PCSK5: variants seen among roughly 807,000 people sequenced by gnomAD.
PCSK5 encodes the protein prohormone convertase 5.
In PCSK5, 129 loss-of-function variants were observed where a neutral mutation model predicts 233.2. That is an observed-to-expected ratio of 0.55 (90% CI 0.48 to 0.64). The LOEUF (loss-of-function observed/expected upper bound fraction) is 0.64, where lower values mean the gene tolerates loss of function less well. PCSK5 is among the 30% of genes least tolerant of loss of function. PCSK5 has a pLI of 0.00. For missense variants in PCSK5, 2,076 were observed against 2,430.1 expected (o/e 0.85, Z 3.06); for synonymous variants, 825 against 879.2 (o/e 0.94, Z 1.09).
chr9:76,004,973 A>C (rs1198323040), intron 3 of PCSK5, among the ~76,000 whole-genome samples: 1 of 152,250 alleles, frequency 6.6e-6, no homozygotes, highest in Non-Finnish European at 1.5e-5. Context: ...CAGCAGACAG[A>C]GCTAAGAAGA....
intron 25 of PCSK5, among the ~76,000 whole-genome samples, chr9:76,293,608 C>A (rs1828344243): frequency 6.6e-6 from 1 of 152,228 alleles, no homozygotes; most frequent in Non-Finnish European, 1.5e-5. Flanking sequence ...CACCACCACG[C>A]CCAGCTAGTT....
At chr9:76,023,981 A>G in intron 4 of PCSK5, 100 bp downstream of exon 4, 4 of 1,035,178 alleles carry the variant, frequency 3.9e-6, no homozygotes, top group Admixed American at 2.3e-5. Flanking sequence ...AAATGTAGCA[A>G]CGTACAATAG....
chr9:76,189,858 A>G (rs2131242097), intron 20 of PCSK5, 112 bp downstream of exon 20: 1 of 606,112 alleles, frequency 1.6e-6, no homozygotes, highest in African/African-American at 1.9e-5. Context: ...CAGATATGAC[A>G]TGCTCAATAT....
chr9:76,117,981 CAG>C (rs1320425408), intron 9 of PCSK5, among the ~76,000 whole-genome samples: 50 of 152,160 alleles, frequency 3.3e-4, no homozygotes, highest in Admixed American at 1.4e-3. Flanking sequence ...GAGTATGATA[CAG>C]GAGTGATCGT....
At chr9:76,067,211 A>G (rs572808860) in intron 5 of PCSK5, among the ~76,000 whole-genome samples, 2 of 152,362 alleles carry the variant, frequency 1.3e-5, no homozygotes, top group South Asian at 4.1e-4. Context: ...ATCAAGGCAC[A>G]AAATTATGGT....
rs1828301019 is a variant in PCSK5, at chr9:76,292,228, TC to T, written c.3143-3del. The T allele has an allele frequency of 3.3e-6, 5 of 1,533,760 alleles. No homozygotes were observed. The highest frequency in any genetic ancestry group is 2.8e-5 in the African/African-American group (2 of 71,746). On this transcript the variant is annotated splice_region_variant and splice_polypyrimidine_tract_variant and intron_variant, in intron 24 of 37. Coordinates refer to ENST00000674117, the MANE Select transcript of PCSK5 (RefSeq NM_001372043.1). ...TTATTACTTTTTATTATTTTTTTTT[TC>T]CAGATGATCCAGGAACATGTACATC...
intron 12 of PCSK5, among the ~76,000 whole-genome samples, chr9:76,161,568 T>C (rs1034071587): frequency 1.3e-5 from 2 of 151,306 alleles, no homozygotes; most frequent in Non-Finnish European, 3.0e-5. Context: ...GCCCCCTTCC[T>C]TGTAGAGAAA....
intron 2 of PCSK5, among the ~76,000 whole-genome samples, chr9:75,967,792 A>C (rs879313226): frequency 2.0e-5 from 3 of 148,516 alleles, no homozygotes; most frequent in Non-Finnish European, 3.0e-5. Context: ...TCAGAGTTTC[A>C]CTCTTGTTGC....
intron 7 of PCSK5, among the ~76,000 whole-genome samples, chr9:76,080,117 G>A (rs990687971): frequency 2.6e-5 from 4 of 151,904 alleles, no homozygotes; most frequent in African/African-American, 7.2e-5. Context: ...CCCTGAAGCC[G>A]TTGTCCCACC....
intron 2 of PCSK5, among the ~76,000 whole-genome samples, chr9:75,954,704 A>AC (rs1014764009): frequency 6.6e-6 from 1 of 152,082 alleles, no homozygotes; most frequent in Non-Finnish European, 1.5e-5. Context: ...ATACACACAT[A>AC]CCCCGTGGAA....
intron 8 of PCSK5, among the ~76,000 whole-genome samples, chr9:76,096,749 G>A (rs769100282): frequency 6.6e-6 from 1 of 151,480 alleles, no homozygotes; most frequent in Non-Finnish European, 1.5e-5. Context: ...TTACAGGTGC[G>A]CACCACTGTG....
intron 9 of PCSK5, among the ~76,000 whole-genome samples, chr9:76,115,817 T>C (rs1832401421): frequency 1.3e-5 from 2 of 152,122 alleles, no homozygotes; most frequent in Admixed American, 1.3e-4. Flanking sequence ...CTCTACTCTA[T>C]ATTTAAACAT....
intron 1 of PCSK5, 116 bp downstream of exon 1, chr9:75,891,489 A>C (rs1488013370): frequency 8.4e-6 from 7 of 831,752 alleles, no homozygotes; most frequent in Non-Finnish European, 1.3e-5. Context: ...CTGTTGCCCT[A>C]ACTCTTGGGC....
At chr9:76,105,450 T>C (rs73456431) in intron 8 of PCSK5, among the ~76,000 whole-genome samples, 2,352 of 152,308 alleles carry the variant, frequency 0.015, 69 homozygotes, top group African/African-American at 0.053. Flanking sequence ...CTAGTGATAT[T>C]GTACAAGCTT....
At chr9:76,284,760 G>T (rs10115638) in intron 24 of PCSK5, among the ~76,000 whole-genome samples, 20,536 of 151,788 alleles carry the variant, frequency 0.14, 1,897 homozygotes, top group African/African-American at 0.27. Flanking sequence ...TCAAACTCCC[G>T]ACGTCAGGTG....
chr9:76,355,533 C>T (rs1162870692), intron 37 of PCSK5, among the ~76,000 whole-genome samples: 1 of 152,028 alleles, frequency 6.6e-6, no homozygotes, highest in East Asian at 1.9e-4. Context: ...CTCTCTAGTC[C>T]AGAAGTAGAT....
intron 1 of PCSK5, among the ~76,000 whole-genome samples, chr9:75,900,710 T>TTTC (rs1323357177): frequency 2.0e-5 from 3 of 149,496 alleles, no homozygotes; most frequent in African/African-American, 7.3e-5. Flanking sequence ...AACTTTTTTT[T>TTTC]TTTTTTTTAC....
At chr9:76,272,339 T>C (rs373791442) in intron 24 of PCSK5, among the ~76,000 whole-genome samples, 177 of 152,296 alleles carry the variant, frequency 1.2e-3, no homozygotes, top group African/African-American at 4.0e-3. Context: ...TTCTAACTAG[T>C]CTCTCTGATT....
intron 35 of PCSK5, among the ~76,000 whole-genome samples, chr9:76,343,612 C>A (rs540028802): frequency 2.5e-3 from 386 of 152,236 alleles, no homozygotes; most frequent in Non-Finnish European, 4.1e-3. Context: ...CTAATCAGGG[C>A]ATAATTAGTA....
Sources: allele counts gnomAD v4.1 joint callset (sites outside exome capture counted in the v4.1 genomes callset), GRCh38; gene constraint gnomAD v4.1.1; transcripts MANE v1.5; gene names NCBI Gene and HGNC (gene_info 2026-07-23, HGNC 2026-07-21).